ANKRD13C: variants seen among roughly 807,000 people sequenced by gnomAD.
ANKRD13C encodes the protein ankyrin repeat domain 13C, also known as ankyrin repeat domain-containing protein 13C.
In ANKRD13C, 16 loss-of-function variants were observed where a neutral mutation model predicts 65.5. The observed-to-expected ratio is 0.24, with a 90% confidence interval of 0.17 to 0.37. The LOEUF (loss-of-function observed/expected upper bound fraction) is 0.37. Ranked by LOEUF, ANKRD13C falls within the 10% of genes least tolerant of loss-of-function variation. The probability of loss-of-function intolerance (pLI) is 1.00; values close to 1 mark genes in which losing one functional copy is unlikely to be tolerated. For missense variants in ANKRD13C, 503 were observed against 655.9 expected (o/e 0.77, Z 2.55); for synonymous variants, 235 against 238.7 (o/e 0.98, Z 0.14).
rs1682426343 is a variant in ANKRD13C at position 70,344,101 on chromosome 1, C to T, written c.431-8002G>A. On this transcript the variant is annotated intron_variant, in intron 1 of 12. Coordinates refer to ENST00000370944, the MANE Select transcript of ANKRD13C (RefSeq NM_030816.5). Reference sequence around the variant, plus strand: ...TCACCTGAGGTCAGGAGTTCAAGACCAGCCTGACAAACAAGGTGAAACCCC... The same window carrying T: ...TCACCTGAGGTCAGGAGTTCAAGACTAGCCTGACAAACAAGGTGAAACCCC... Among the ~76,000 whole-genome samples the T allele has an allele frequency of 2.0e-5, 3 of 151,948 alleles. No individual in the cohort carries two copies. In the South Asian group the frequency reaches 6.3e-4, roughly 32 times the overall value.
chr1:70,319,652 C>T (rs1265554974), intron 3 of ANKRD13C, among the ~76,000 whole-genome samples: 2 of 140,150 alleles, frequency 1.4e-5, no homozygotes, highest in Admixed American at 1.5e-4. Flanking sequence ...TAGCATATGC[C>T]TTTTTTTTTT....
At chr1:70,319,216 C>T (rs908541109) in intron 3 of ANKRD13C, among the ~76,000 whole-genome samples, 9 of 152,278 alleles carry the variant, frequency 5.9e-5, no homozygotes, top group African/African-American at 1.4e-4. Context: ...TCTTGACTAG[C>T]ACATAAAGCT....
At chr1:70,276,000 T>C (rs1165096057) in intron 10 of ANKRD13C, among the ~76,000 whole-genome samples, 1 of 144,408 alleles carries the variant, frequency 6.9e-6, no homozygotes, top group Non-Finnish European at 1.5e-5. Context: ...AATATTAAGA[T>C]GGAAACATCT....
chr1:70,325,953 C>A (rs939994959), intron 2 of ANKRD13C, among the ~76,000 whole-genome samples: 1 of 151,930 alleles, frequency 6.6e-6, no homozygotes, highest in Non-Finnish European at 1.5e-5. Flanking sequence ...AGGCCCACGC[C>A]GGGCACAGTG....
chr1:70,272,659 C>A (rs148789048), intron 11 of ANKRD13C, among the ~76,000 whole-genome samples: 1 of 151,748 alleles, frequency 6.6e-6, no homozygotes, highest in East Asian at 1.9e-4. Context: ...ATATTAGCTG[C>A]AGTTTTCTTC....
intron 1 of ANKRD13C, among the ~76,000 whole-genome samples, chr1:70,352,068 G>A (rs559266277): frequency 6.6e-6 from 1 of 152,150 alleles, no homozygotes; most frequent in Non-Finnish European, 1.5e-5. Context: ...GGCCAGGCGC[G>A]GTGGCTCAGG....
intron 9 of ANKRD13C, among the ~76,000 whole-genome samples, chr1:70,280,414 T>C (rs2101169376): frequency 6.6e-6 from 1 of 152,310 alleles, no homozygotes. Flanking sequence ...GCAAGTGTAG[T>C]GTGTCTAGTT....
At chr1:70,320,976 T>C (rs575569516) in intron 3 of ANKRD13C, among the ~76,000 whole-genome samples, 6 of 151,346 alleles carry the variant, frequency 4.0e-5, no homozygotes, top group African/African-American at 7.3e-5. Context: ...TTTTGTAGTG[T>C]TGGGGTCCCC....
chr1:70,294,484 C>T (rs534705519), intron 8 of ANKRD13C, among the ~76,000 whole-genome samples: 2 of 152,080 alleles, frequency 1.3e-5, no homozygotes, highest in Non-Finnish European at 2.9e-5. Context: ...GCTAATTACC[C>T]TACATAATGT....
At chr1:70,263,274 ATACTC>A (rs1678466500) in intron 12 of ANKRD13C, among the ~76,000 whole-genome samples, 2 of 152,206 alleles carry the variant, frequency 1.3e-5, no homozygotes, top group African/African-American at 4.8e-5. Flanking sequence ...CCCAAGTAAA[ATACTC>A]TAATCCTTTT....
chr1:70,287,283 A>G (rs961400425), intron 9 of ANKRD13C, among the ~76,000 whole-genome samples: 9 of 152,138 alleles, frequency 5.9e-5, no homozygotes, highest in Non-Finnish European at 1.2e-4. Context: ...CACCGAATTG[A>G]TCTATAGATT....
intron 6 of ANKRD13C, among the ~76,000 whole-genome samples, chr1:70,304,554 G>A (rs1680510298): frequency 6.6e-6 from 1 of 151,858 alleles, no homozygotes; most frequent in Admixed American, 6.6e-5. Context: ...GTGTCACCAT[G>A]CCCAGCTAAT....
At chr1:70,333,640 CT>C (rs1681901197) in intron 2 of ANKRD13C, among the ~76,000 whole-genome samples, 1 of 152,144 alleles carries the variant, frequency 6.6e-6, no homozygotes. Context: ...ATTTGCGAAC[CT>C]AAGAAACCCA....
intron 9 of ANKRD13C, among the ~76,000 whole-genome samples, chr1:70,279,613 T>G (rs1172294391): frequency 6.6e-6 from 1 of 150,728 alleles, no homozygotes; most frequent in Non-Finnish European, 1.5e-5. Flanking sequence ...TCAAGCAATA[T>G]TTCTGCCTCA....
At chr1:70,328,865 A>T (rs1681662164) in intron 2 of ANKRD13C, among the ~76,000 whole-genome samples, 2 of 152,166 alleles carry the variant, frequency 1.3e-5, no homozygotes, top group African/African-American at 4.8e-5. Flanking sequence ...AATTTTTTTT[A>T]AAAAGAATAA....
At chr1:70,318,028 A>C (rs1443477444) in intron 3 of ANKRD13C, among the ~76,000 whole-genome samples, 2 of 152,210 alleles carry the variant, frequency 1.3e-5, no homozygotes, top group East Asian at 3.8e-4. Context: ...AATGGCAACC[A>C]CTGTATATAG....
chr1:70,283,583 G>A (rs543030299), intron 9 of ANKRD13C, among the ~76,000 whole-genome samples: 3 of 152,006 alleles, frequency 2.0e-5, no homozygotes, highest in African/African-American at 2.4e-5. Context: ...TTAGGAGGTC[G>A]AGGCGGGTGG....
At chr1:70,351,548 C>A (rs1291342705) in intron 1 of ANKRD13C, among the ~76,000 whole-genome samples, 1 of 152,046 alleles carries the variant, frequency 6.6e-6, no homozygotes, top group Non-Finnish European at 1.5e-5. Flanking sequence ...TACAAGCATG[C>A]ACCACCATGC....
In ANKRD13C at chr1:70,330,198, T is replaced by C. The variant is rs557374415; in HGVS notation, c.473-5241A>G. On this transcript the variant is annotated intron_variant, in intron 2 of 12. Coordinates refer to ENST00000370944, the MANE Select transcript of ANKRD13C (RefSeq NM_030816.5). The stretch of plus-strand genomic sequence containing the variant: ...CAACTAAGCACTAAGGCTTAAAGAA[T>C]GCATAAATGTGCCAGGAAGAACTCA... Among the ~76,000 whole-genome samples the C allele has an allele frequency of 2.0e-5, 3 of 148,836 alleles. No homozygotes were observed. In the South Asian group the frequency reaches 6.5e-4, roughly 32 times the overall value.
Sources: allele counts gnomAD v4.1 joint callset (sites outside exome capture counted in the v4.1 genomes callset), GRCh38; gene constraint gnomAD v4.1.1; transcripts MANE v1.5; gene names NCBI Gene and HGNC (gene_info 2026-07-23, HGNC 2026-07-21).